CKAP5: variants seen among roughly 807,000 people sequenced by gnomAD.
The protein encoded by CKAP5 is cytoskeleton-associated protein 5.
CKAP5 carries 27 observed loss-of-function variants against 232.8 expected under a neutral mutation model. That is an observed-to-expected ratio of 0.12 (90% CI 0.09 to 0.16). The LOEUF (loss-of-function observed/expected upper bound fraction) is 0.16, where lower values mean the gene tolerates loss of function less well. CKAP5 is among the 10% of genes least tolerant of loss of function. The pLI is 1.00. For synonymous variants in CKAP5, 785 were observed against 841.1 expected (o/e 0.93, Z 1.16); for missense variants, 1,838 against 2,424.7 (o/e 0.76, Z 5.08).
chr11:46,754,945 T>C lies in CKAP5; in HGVS notation c.4812A>G (p.Lys1604=). Residue 1604 remains lysine, a synonymous_variant, in exon 36 of 44, where the codon AAA becomes AAG. Transcript: ENST00000529230. ...ACTTGATGATCTCGTCCTTCTCCAA[T>C]TTCTCATCTGCCATGTGTGTGTTGT... ...LIYNTHMADE[K]LEKDEIIKLY... 1 of 1,613,946 alleles carries C rather than the reference T, an allele frequency of 6.2e-7. No individual in the cohort carries two copies. The highest frequency in any genetic ancestry group is 1.1e-5 in the South Asian group (1 of 91,016).
intron 1 of CKAP5, among the ~76,000 whole-genome samples, chr11:46,829,956 C>T (rs1411835084): frequency 6.6e-6 from 1 of 151,648 alleles, no homozygotes; most frequent in Admixed American, 6.6e-5. Context: ...GTTGTAATCC[C>T]TGGGACTTGT....
chr11:46,809,953 CA>C, intron 5 of CKAP5, 79 bp from the exon 6 acceptor site: 1 of 1,343,398 alleles, frequency 7.4e-7, no homozygotes, highest in Non-Finnish European at 1.0e-6. Flanking sequence ...CATTTATTGA[CA>C]TATCAGGACC....
chr11:46,760,455 T>C, intron 33 of CKAP5, 157 bp downstream of exon 33: 1 of 749,896 alleles, frequency 1.3e-6, no homozygotes, highest in East Asian at 2.7e-5. Flanking sequence ...CAATGAAGAC[T>C]GAAGAATCAA....
At chr11:46,841,934 G>A (rs1188827696) in intron 1 of CKAP5, among the ~76,000 whole-genome samples, 2 of 144,976 alleles carry the variant, frequency 1.4e-5, no homozygotes, top group Admixed American at 1.4e-4. Flanking sequence ...GGAGGCAGAG[G>A]TTGCAGTGAG....
At chr11:46,783,716 T>G (rs1400954852) in intron 17 of CKAP5, among the ~76,000 whole-genome samples, 2 of 151,968 alleles carry the variant, frequency 1.3e-5, no homozygotes, top group African/African-American at 4.8e-5. Context: ...ATTTTTTGTT[T>G]ATTTGTTTTG....
chr11:46,823,810 G>A (rs1320986842), intron 1 of CKAP5, among the ~76,000 whole-genome samples: 1 of 152,040 alleles, frequency 6.6e-6, no homozygotes, highest in African/African-American at 2.4e-5. Flanking sequence ...TTGTAGAGAT[G>A]GGGTCTTACT....
At chr11:46,774,105 T>C (rs1393967939) in intron 24 of CKAP5, among the ~76,000 whole-genome samples, 4 of 152,152 alleles carry the variant, frequency 2.6e-5, no homozygotes, top group African/African-American at 4.8e-5. Context: ...ATGAACATGA[T>C]TGCATATTTA....
chr11:46,791,758 A>G (rs1446311573), intron 13 of CKAP5, among the ~76,000 whole-genome samples: 2 of 152,294 alleles, frequency 1.3e-5, no homozygotes, highest in Middle Eastern at 3.4e-3. Flanking sequence ...AGTCACAAGA[A>G]AGTAGTATAT....
intron 5 of CKAP5, among the ~76,000 whole-genome samples, chr11:46,810,579 G>A (rs1193492700): frequency 6.6e-6 from 1 of 152,082 alleles, no homozygotes; most frequent in Non-Finnish European, 1.5e-5. Flanking sequence ...CCAAAGTGCT[G>A]GGATTATAAG....
chr11:46,747,626 C>T (rs1228831511), intron 42 of CKAP5, among the ~76,000 whole-genome samples: 1 of 148,556 alleles, frequency 6.7e-6, no homozygotes, highest in Non-Finnish European at 1.5e-5. Flanking sequence ...AAAGGTTTCA[C>T]TAAGATGGTG....
In CKAP5 at chr11:46,835,573, C is replaced by A. The variant is rs185470809; in HGVS notation, c.-38+10647G>T. Among the ~76,000 whole-genome samples the A allele has an allele frequency of 2.8e-3, 424 of 151,894 alleles. 2 individuals carry two copies. Among genetic ancestry groups the A allele is most frequent in the African/African-American group, 9.7e-3 (402 of 41,378 alleles). ...AACAGTCAAAGCTGGAATTATTCGA[C>A]GGAAAAAAATAGATTATAAAATCTC... On this transcript the variant is annotated intron_variant, in intron 1 of 43. Transcript: ENST00000529230.
intron 4 of CKAP5, among the ~76,000 whole-genome samples, chr11:46,814,429 C>A (rs989355762): frequency 6.6e-6 from 1 of 152,118 alleles, no homozygotes; most frequent in African/African-American, 2.4e-5. Context: ...AATCAAAGAT[C>A]ATTCAACAAA....
In CKAP5 at chr11:46,811,194, T is replaced by A; in HGVS notation, c.459-16A>T. 1 of 1,608,448 alleles carries A rather than the reference T, an allele frequency of 6.2e-7. No homozygotes were observed. The highest frequency in any genetic ancestry group is 1.3e-5 in the African/African-American group (1 of 74,748). ...ACCAAATTCACTACAAGTAAAAAAT[T>A]GGGAAAAAACTGTCAACGTGCAATG... On this transcript the variant is annotated splice_polypyrimidine_tract_variant and intron_variant, in intron 4 of 43. Coordinates refer to ENST00000529230, the MANE Select transcript of CKAP5 (RefSeq NM_001008938.4).
intron 4 of CKAP5, among the ~76,000 whole-genome samples, chr11:46,813,880 A>G (rs1199961167): frequency 6.6e-6 from 1 of 152,060 alleles, no homozygotes; most frequent in Non-Finnish European, 1.5e-5. Context: ...TATGTCTGTA[A>G]TCCCAGCACT....
At chr11:46,834,457 T>G (rs1939870068) in intron 1 of CKAP5, among the ~76,000 whole-genome samples, 1 of 144,966 alleles carries the variant, frequency 6.9e-6, no homozygotes, top group Non-Finnish European at 1.5e-5. Flanking sequence ...AGGCGGTGGT[T>G]GCAGTGAGCT....
At chr11:46,843,202 G>A (rs1338918103) in intron 1 of CKAP5, among the ~76,000 whole-genome samples, 2 of 152,112 alleles carry the variant, frequency 1.3e-5, no homozygotes, top group African/African-American at 2.4e-5. Context: ...AGATTACAAT[G>A]AGAAATCTGA....
At chr11:46,745,623 A>G (rs879589082) in intron 42 of CKAP5, among the ~76,000 whole-genome samples, 1 of 152,140 alleles carries the variant, frequency 6.6e-6, no homozygotes, top group Non-Finnish European at 1.5e-5. Flanking sequence ...TTTAACTCCT[A>G]AGAGGTCTTT....
intron 16 of CKAP5, among the ~76,000 whole-genome samples, chr11:46,785,925 C>T (rs1448706240): frequency 6.6e-6 from 1 of 151,910 alleles, no homozygotes; most frequent in African/African-American, 2.4e-5. Flanking sequence ...CTAGCCTGGG[C>T]AAGAGAGTGA....
At position 46,797,950 on chromosome 11, in the gene CKAP5, C is replaced by A. The variant is rs779356650; in HGVS notation, c.1193G>T (p.Ser398Ile). The A allele has an allele frequency of 6.2e-7, 1 of 1,613,818 alleles. No homozygotes were observed. Among genetic ancestry groups the A allele is most frequent in the South Asian group, 1.1e-5 (1 of 90,992 alleles). ...ATCCATTACTGCTAAAACATCCTCA[C>A]TGATGTTCTGTAGTGTGGTCTTTAG... Reference protein sequence around the residue: ...IFLTTTLQNISEDVLAVMDNK... With the variant: ...IFLTTTLQNIIEDVLAVMDNK... The change falls in exon 11 of 44, where the codon AGT (serine) becomes ATT (isoleucine). Residue 398 changes from serine (S) to isoleucine (I), a missense_variant. Physicochemically the swap from Ser to Ile is moderately radical, Grantham distance 142. Coordinates refer to ENST00000529230, the MANE Select transcript of CKAP5 (RefSeq NM_001008938.4).
Sources: allele counts gnomAD v4.1 joint callset (sites outside exome capture counted in the v4.1 genomes callset), GRCh38; gene constraint gnomAD v4.1.1; transcripts MANE v1.5; gene names NCBI Gene and HGNC (gene_info 2026-07-23, HGNC 2026-07-21).